The following LMO7 variants were observed in gnomAD, a reference collection of about 807,000 sequenced individuals.
The protein encoded by LMO7 is LIM domain only protein 7.
LMO7 carries 120 observed loss-of-function variants against 206.5 expected under a neutral mutation model. The observed-to-expected ratio is 0.58, with a 90% CI of 0.50 to 0.68. The LOEUF is 0.68. LMO7 is among the 30% of genes least tolerant of loss of function. LMO7 has a pLI of 0.00. For missense variants in LMO7, 1,959 were observed against 1,957.9 expected (o/e 1.00, Z -0.01); for synonymous variants, 706 against 681.5 (o/e 1.04, Z -0.56).
intron 4 of LMO7, among the ~76,000 whole-genome samples, chr13:75,790,495 AG>A (rs1232367073): frequency 2.6e-5 from 4 of 152,166 alleles, no homozygotes; most frequent in Non-Finnish European, 5.9e-5. Flanking sequence ...CTTCCTCCTC[AG>A]GGAACGACCC....
At chr13:75,807,189 G>A in intron 9 of LMO7, 1 of 321,096 alleles carries the variant, frequency 3.1e-6, no homozygotes, top group East Asian at 5.7e-5. Context: ...TGCCTGGGAG[G>A]GGTACCTAGT....
Position 75,807,937 on chromosome 13 carries a change from G to C in LMO7, c.1654G>C (p.Glu552Gln), listed in dbSNP as rs1446454655. The change falls in exon 10 of 31, where the codon GAA becomes CAA. Residue 552 changes from glutamate (E) to glutamine (Q), a missense_variant. Physicochemically the swap from Glu to Gln is conservative, Grantham distance 29. Transcript: ENST00000377534. ...PFPEPWTLPP[E>Q]IQAKFLCVLE... Reference sequence around the variant, plus strand: ...TCCCGAACCCTGGACTCTTCCTCCAGAAATTCAAGCAAAATTTCTCTGTGT... The same window carrying C: ...TCCCGAACCCTGGACTCTTCCTCCACAAATTCAAGCAAAATTTCTCTGTGT... 1 of 1,613,924 alleles carries C rather than the reference G, an allele frequency of 6.2e-7. No individual in the cohort carries two copies. Among genetic ancestry groups the C allele is most frequent in the Non-Finnish European group, 8.5e-7 (1 of 1,179,878 alleles).
rs2055174033 is a variant in LMO7 at position 75,804,433 on chromosome 13, C to T, written c.806C>T (p.Pro269Leu). The change falls in exon 8 of 31, where the codon CCA (proline) becomes CTA (leucine). Residue 269 changes from proline to leucine, a missense_variant. Coordinates refer to ENST00000377534, the MANE Select transcript of LMO7 (RefSeq NM_001306080.2). ...NRFLPNKSRQ[P>L]SYVPAPLRKK... The stretch of plus-strand genomic sequence containing the variant: ...TTTTTACCCAACAAAAGTAGACAGC[C>T]ATCCTATGTACCAGCACCTCTGAGA... 1 of 1,614,062 alleles carries T rather than the reference C, an allele frequency of 6.2e-7. No homozygotes were observed. The highest frequency in any genetic ancestry group is 1.3e-5 in the African/African-American group (1 of 74,924).
chr13:75,851,199 C>T (rs2060476237), intron 27 of LMO7, among the ~76,000 whole-genome samples: 1 of 152,146 alleles, frequency 6.6e-6, no homozygotes, highest in African/African-American at 2.4e-5. Flanking sequence ...CTGGAGGCCA[C>T]TGAAGTACAG....
intron 15 of LMO7, among the ~76,000 whole-genome samples, chr13:75,824,304 T>C (rs1670309207): frequency 6.6e-6 from 1 of 151,830 alleles, no homozygotes; most frequent in African/African-American, 2.4e-5. Flanking sequence ...TGATAGGTGC[T>C]GGAGTCTAGG....
chr13:75,800,870 G>T lies in LMO7; in HGVS notation c.649G>T (p.Gly217Trp). Residue 217 changes from glycine (G) to tryptophan (W), a missense_variant, in exon 7 of 31, where the codon GGG (glycine) becomes TGG (tryptophan). Physicochemically the swap from Gly to Trp is radical, Grantham distance 184 (BLOSUM62 -2). Coordinates refer to ENST00000377534, the MANE Select transcript of LMO7 (RefSeq NM_001306080.2). The part of the protein sequence containing the change: ...TSCSSDITLR[G>W]GREGFESDTD... ...CTGCTCCTCTGATATCACGTTGAGA[G>T]GGGGGCGTGAAGGTGTGTTGTGTTT... The T allele has an allele frequency of 1.2e-6, 2 of 1,613,696 alleles. No homozygotes were observed. The highest frequency in any genetic ancestry group is 2.2e-5 in the East Asian group (1 of 44,874).
At chr13:75,621,655 A>T in exon 1 of LMO7, 1 of 1,284,250 alleles carries the variant, frequency 7.8e-7, no homozygotes, top group Non-Finnish European at 1.1e-6. Flanking sequence ...ATATATGGGT[A>T]CGGTCTAAAG....
At chr13:75,633,027 A>T (rs147277498), upstream of LMO7, among the ~76,000 whole-genome samples, 11 of 151,664 alleles carry the variant, frequency 7.3e-5, no homozygotes, top group Middle Eastern at 3.4e-3. Context: ...ACACCTAGCT[A>T]ACTTTTTTTG....
intron 4 of LMO7, among the ~76,000 whole-genome samples, chr13:75,786,823 T>A (rs2052520648): frequency 6.6e-6 from 1 of 152,226 alleles, no homozygotes; most frequent in South Asian, 2.1e-4. Context: ...ATTACCAATT[T>A]ACCTACTCAA....
chr13:75,842,049 G>A (rs1022308701), intron 24 of LMO7, 66 bp downstream of exon 24: 13 of 1,202,562 alleles, frequency 1.1e-5, no homozygotes, highest in South Asian at 3.0e-5. Flanking sequence ...AAAGGCACCC[G>A]CTTGCTCTTC....
chr13:75,621,805 T>G lies in LMO7; in HGVS notation c.112T>G (p.Cys38Gly), dbSNP rs148440316. ...TCTGGAAATTTGGAGGCAACTGATA[T>G]GTGCTCATGTCTGCATCTGTGTGGG... The change falls in exon 1 of 30, where the codon TGT becomes GGT. Residue 38 changes from cysteine (C) to glycine (G), a missense_variant. Coordinates refer to the LMO7 transcript ENST00000341547. 8 of 1,612,898 alleles carry G rather than the reference T, an allele frequency of 5.0e-6. No homozygotes were observed. In the South Asian group the frequency reaches 5.5e-5, roughly 11 times the overall value.
At chr13:75,842,284 G>A (rs1474097942) in intron 24 of LMO7, among the ~76,000 whole-genome samples, 1 of 152,056 alleles carries the variant, frequency 6.6e-6, no homozygotes, top group Non-Finnish European at 1.5e-5. Flanking sequence ...CTCTGTTCCA[G>A]CCCCATTGGC....
At chr13:75,798,415 AG>A (rs2054308562) in intron 6 of LMO7, among the ~76,000 whole-genome samples, 1 of 152,218 alleles carries the variant, frequency 6.6e-6, no homozygotes, top group Non-Finnish European at 1.5e-5. Flanking sequence ...CTGTCTTTGT[AG>A]CCTTTGGTCC....
chr13:75,807,862 A>G lies in LMO7; in HGVS notation c.1579A>G (p.Lys527Glu). 1.9e-6 allele frequency: 3 copies of G among 1,613,942 alleles called. No individual in the cohort carries two copies. The South Asian group carries it at 3.3e-5, about 18-fold the overall frequency. The change falls in exon 10 of 31, where the codon AAA becomes GAA. Residue 527 changes from lysine (K) to glutamate (E), a missense_variant. Coordinates refer to ENST00000377534, the MANE Select transcript of LMO7 (RefSeq NM_001306080.2). The part of the protein sequence containing the change: ...MIVRRIPAQK[K>E]EVPLSGAPDR... Reference sequence around the variant, plus strand: ...TGTTCGCCGAATTCCAGCACAGAAGAAAGAAGTGCCGCTGTCTGGGGCCCC... The same window carrying G: ...TGTTCGCCGAATTCCAGCACAGAAGGAAGAAGTGCCGCTGTCTGGGGCCCC...
chr13:75,720,482 T>A (rs1235182372), intron 2 of LMO7, among the ~76,000 whole-genome samples: 1 of 152,238 alleles, frequency 6.6e-6, no homozygotes, highest in African/African-American at 2.4e-5. Context: ...TATTTAGGTC[T>A]GTGATCCACT....
At chr13:75,758,045 C>T (rs536545747) in intron 3 of LMO7, among the ~76,000 whole-genome samples, 3 of 152,202 alleles carry the variant, frequency 2.0e-5, no homozygotes, top group Admixed American at 6.5e-5. Flanking sequence ...GATTCACAAA[C>T]TGCTCATTTC....
At chr13:75,783,384 G>A (rs1478066032) in intron 4 of LMO7, among the ~76,000 whole-genome samples, 1 of 152,110 alleles carries the variant, frequency 6.6e-6, no homozygotes, top group East Asian at 1.9e-4. Context: ...ATGCAGTGGT[G>A]CGATTTTGGC....
chr13:75,677,115 A>G (rs2040078929), intron 1 of LMO7, among the ~76,000 whole-genome samples: 1 of 152,190 alleles, frequency 6.6e-6, no homozygotes, highest in African/African-American at 2.4e-5. Context: ...TCAGAGAGAC[A>G]GAGCTGGCTG....
chr13:75,856,812 G>A (rs2061000535), intron 30 of LMO7: 3 of 477,706 alleles, frequency 6.3e-6, no homozygotes, highest in Non-Finnish European at 1.1e-5. Flanking sequence ...GGAGTGGGTT[G>A]TGGGGCCAAG....
Sources: gnomAD v4.1 joint callset for allele counts (sites outside exome capture counted in the v4.1 genomes callset) on GRCh38, gnomAD v4.1.1 for gene constraint, MANE v1.5 for transcripts, NCBI Gene and HGNC (gene_info 2026-07-23, HGNC 2026-07-21) for gene names.